The following NUDCD1 variants were observed in gnomAD, a reference collection of about 807,000 sequenced individuals.
NUDCD1 encodes the protein nudC domain-containing protein 1.
In NUDCD1, 60 loss-of-function variants were observed where a neutral mutation model predicts 67.8. The observed-to-expected ratio is 0.88, with a 90% CI of 0.72 to 1.10. NUDCD1 has a LOEUF of 1.10. NUDCD1 is among the 50% of genes least tolerant of loss of function. NUDCD1 has a pLI of 0.00. For synonymous variants in NUDCD1, 244 were observed against 230.8 expected, an observed-to-expected ratio of 1.06 and a Z score of -0.52; for missense variants, 643 against 695.0, an observed-to-expected ratio of 0.93 and a Z score of 0.84.
At chr8:109,331,343 AAAAC>A (rs905876703) in intron 1 of NUDCD1, among the ~76,000 whole-genome samples, 40 of 151,902 alleles carry the variant, frequency 2.6e-4, no homozygotes, top group African/African-American at 8.0e-4. Flanking sequence ...AAACAAAACA[AAAAC>A]AAAAAGAAAC....
chr8:109,255,535 T>C (rs1046335877), intron 8 of NUDCD1, among the ~76,000 whole-genome samples: 2 of 152,252 alleles, frequency 1.3e-5, no homozygotes, highest in South Asian at 2.1e-4. Flanking sequence ...TACTTTTTTT[T>C]CATTTTTTGA....
chr8:109,288,875 A>G (rs1378645940), intron 5 of NUDCD1, among the ~76,000 whole-genome samples: 1 of 152,192 alleles, frequency 6.6e-6, no homozygotes, highest in African/African-American at 2.4e-5. Context: ...AACATCAGAA[A>G]TATGAACAGT....
intron 1 of NUDCD1, among the ~76,000 whole-genome samples, chr8:109,330,671 A>C (rs79039079): frequency 0.016 from 2,452 of 152,298 alleles, 24 homozygotes; most frequent in Non-Finnish European, 0.025. Flanking sequence ...TGTACTTAAA[A>C]TGTGGTACAC....
intron 4 of NUDCD1, among the ~76,000 whole-genome samples, chr8:109,292,282 A>G (rs958571626): frequency 6.6e-6 from 1 of 152,106 alleles, no homozygotes; most frequent in Non-Finnish European, 1.5e-5. Flanking sequence ...GTTTTCTAAT[A>G]TCTAATTAAA....
At chr8:109,301,552 C>G (rs1814990658) in intron 2 of NUDCD1, among the ~76,000 whole-genome samples, 1 of 152,214 alleles carries the variant, frequency 6.6e-6, no homozygotes, top group Admixed American at 6.5e-5. Flanking sequence ...AGTCCTCTGT[C>G]CTCTCCCTCA....
intron 6 of NUDCD1, among the ~76,000 whole-genome samples, chr8:109,277,616 C>T (rs1814325166): frequency 6.6e-6 from 1 of 152,178 alleles, no homozygotes; most frequent in African/African-American, 2.4e-5. Flanking sequence ...AACAATACCA[C>T]CTACGCTACA....
At chr8:109,323,284 C>G (rs1355300443) in intron 1 of NUDCD1, among the ~76,000 whole-genome samples, 1 of 152,158 alleles carries the variant, frequency 6.6e-6, no homozygotes, top group Non-Finnish European at 1.5e-5. Context: ...TTTTCTTCCT[C>G]CCCCAAATGC....
At chr8:109,286,967 C>A (rs1215409374) in intron 5 of NUDCD1, among the ~76,000 whole-genome samples, 1 of 152,062 alleles carries the variant, frequency 6.6e-6, no homozygotes, top group South Asian at 2.1e-4. Context: ...AAGACATGAA[C>A]AGCACTTCGC....
At chr8:109,270,546 T>A (rs1169745465) in intron 8 of NUDCD1, among the ~76,000 whole-genome samples, 2 of 152,186 alleles carry the variant, frequency 1.3e-5, no homozygotes, top group Non-Finnish European at 2.9e-5. Flanking sequence ...AGGCTTCATA[T>A]GACAGAGATT....
chr8:109,253,163 C>A (rs1813658961), intron 8 of NUDCD1, among the ~76,000 whole-genome samples: 1 of 152,146 alleles, frequency 6.6e-6, no homozygotes, highest in Non-Finnish European at 1.5e-5. Flanking sequence ...GCTTCCCATA[C>A]TGAATGGTGG....
intron 5 of NUDCD1, among the ~76,000 whole-genome samples, chr8:109,283,690 G>A (rs1316726995): frequency 1.3e-5 from 2 of 152,120 alleles, no homozygotes; most frequent in African/African-American, 2.4e-5. Flanking sequence ...AGCTTCATAA[G>A]TGAAAGAGAA....
chr8:109,260,418 C>T (rs1586256983), intron 8 of NUDCD1, among the ~76,000 whole-genome samples: 1 of 152,154 alleles, frequency 6.6e-6, no homozygotes, highest in Non-Finnish European at 1.5e-5. Context: ...CTAGGCTGGT[C>T]CTGACCTCCT....
chr8:109,274,501 G>T (rs1439864329), intron 7 of NUDCD1, among the ~76,000 whole-genome samples: 1 of 152,138 alleles, frequency 6.6e-6, no homozygotes, highest in East Asian at 1.9e-4. Context: ...TTGTAAACAG[G>T]GCTATGAAAT....
rs778191910 is a variant in NUDCD1, at chr8:109,281,670, AC to A, written c.824-499del. 5.3e-5 allele frequency among the ~76,000 whole-genome samples: 8 copies of A among 152,270 alleles called. No individual in the cohort carries two copies. In the South Asian group the frequency reaches 1.7e-3, roughly 32 times the overall value. On this transcript the variant is annotated intron_variant, in intron 5 of 9. Coordinates refer to ENST00000239690, the MANE Select transcript of NUDCD1 (RefSeq NM_032869.4). Reference sequence around the variant, plus strand: ...TTTAGTATAAATTAAAGGCCATACTACCCCAACCCTTCCTGTGCATACATCA... The same window carrying A: ...TTTAGTATAAATTAAAGGCCATACTACCCAACCCTTCCTGTGCATACATCA...
At chr8:109,303,948 C>A (rs148204830) in intron 2 of NUDCD1, among the ~76,000 whole-genome samples, 1 of 152,112 alleles carries the variant, frequency 6.6e-6, no homozygotes, top group South Asian at 2.1e-4. Context: ...TCAGGATCTG[C>A]GCCTTATCAA....
chr8:109,331,794 G>A (rs1003856406), intron 1 of NUDCD1, among the ~76,000 whole-genome samples: 21 of 152,296 alleles, frequency 1.4e-4, no homozygotes, highest in African/African-American at 4.8e-4. Flanking sequence ...AAAGTTGGCA[G>A]AACTACAGCA....
At chr8:109,283,143 C>T (rs1015801971) in intron 5 of NUDCD1, among the ~76,000 whole-genome samples, 2 of 152,040 alleles carry the variant, frequency 1.3e-5, no homozygotes, top group African/African-American at 4.8e-5. Context: ...TATGGAATTT[C>T]CAAATACAAT....
At chr8:109,260,073 C>T (rs1813830129) in intron 8 of NUDCD1, among the ~76,000 whole-genome samples, 1 of 152,158 alleles carries the variant, frequency 6.6e-6, no homozygotes, top group African/African-American at 2.4e-5. Context: ...ATAAACATTA[C>T]TCAAATACAT....
intron 2 of NUDCD1, among the ~76,000 whole-genome samples, chr8:109,312,153 T>G (rs529467320): frequency 4.0e-5 from 6 of 151,672 alleles, no homozygotes; most frequent in African/African-American, 1.2e-4. Context: ...AATACAAAAA[T>G]TAGACAGGTG....
Sources: allele counts gnomAD v4.1 joint callset (sites outside exome capture counted in the v4.1 genomes callset), GRCh38; gene constraint gnomAD v4.1.1; transcripts MANE v1.5; gene names NCBI Gene and HGNC (gene_info 2026-07-23, HGNC 2026-07-21).